The following GALNT10 variants were observed in gnomAD, a reference collection of about 807,000 sequenced individuals.
The protein encoded by GALNT10 is polypeptide N-acetylgalactosaminyltransferase 10, also known as GalNAc transferase 10.
GALNT10 carries 41 observed loss-of-function variants against 75.0 expected under a neutral mutation model. The ratio of observed to expected loss-of-function variants is 0.55; its 90% confidence interval spans 0.43 to 0.71. The LOEUF (loss-of-function observed/expected upper bound fraction) is 0.71. GALNT10 is among the 30% of genes least tolerant of loss of function. The probability of loss-of-function intolerance (pLI) is 0.00; values close to 1 mark genes in which losing one functional copy is unlikely to be tolerated. For synonymous variants in GALNT10, 302 were observed against 313.0 expected, an observed-to-expected ratio of 0.96 and a Z score of 0.37; for missense variants, 727 against 818.5, an observed-to-expected ratio of 0.89 and a Z score of 1.36.
chr5:154,284,953 G>A (rs553921563), intron 1 of GALNT10, among the ~76,000 whole-genome samples: 3 of 152,298 alleles, frequency 2.0e-5, no homozygotes, highest in African/African-American at 7.2e-5. Context: ...TCATGAAAGA[G>A]TTAGGCTATA....
At chr5:154,350,291 T>C (rs1187990750) in intron 4 of GALNT10, among the ~76,000 whole-genome samples, 3 of 152,192 alleles carry the variant, frequency 2.0e-5, no homozygotes, top group Non-Finnish European at 4.4e-5. Context: ...TTCTTCAGCA[T>C]GGCTGGGGCA....
chr5:154,373,220 G>T (rs1755602045), intron 4 of GALNT10, among the ~76,000 whole-genome samples: 1 of 152,140 alleles, frequency 6.6e-6, no homozygotes, highest in African/African-American at 2.4e-5. Flanking sequence ...CTGCCTTAGG[G>T]CTTATGAAGC....
chr5:154,396,552 C>G lies in GALNT10; in HGVS notation c.1057-7552C>G, dbSNP rs142356075. 3.3e-3 allele frequency among the ~76,000 whole-genome samples: 504 copies of G among 152,272 alleles called. 2 individuals carry two copies. Among genetic ancestry groups the G allele is most frequent in the African/African-American group, 0.011 (471 of 41,540 alleles). On this transcript the variant is annotated intron_variant, in intron 7 of 11. Transcript: ENST00000297107. ...CAGATCTGCCTAGTTCTGACCCAAC[C>G]CCAGGTTCCATTTTGGGTTCTGCCA...
chr5:154,304,343 C>T (rs963446829), intron 3 of GALNT10, among the ~76,000 whole-genome samples: 1 of 151,738 alleles, frequency 6.6e-6, no homozygotes, highest in African/African-American at 2.4e-5. Flanking sequence ...TACTAAAAAA[C>T]CAGTGATGAA....
chr5:154,253,668 G>C (rs1438023520), intron 1 of GALNT10, among the ~76,000 whole-genome samples: 2 of 150,476 alleles, frequency 1.3e-5, no homozygotes, highest in East Asian at 3.9e-4. Flanking sequence ...GAAGAAGGTG[G>C]GATTCAGGAA....
chr5:154,219,765 T>A (rs1752942767), intron 1 of GALNT10: 1 of 151,518 alleles, frequency 6.6e-6, no homozygotes, highest in Non-Finnish European at 1.5e-5. Context: ...AGATAACTGA[T>A]CCAGAGACAG....
At position 154,298,771 on chromosome 5, in the gene GALNT10, G is replaced by T. The variant is rs140187095; in HGVS notation, c.401+692G>T. Among the ~76,000 whole-genome samples the T allele has an allele frequency of 1.5e-4, 23 of 152,282 alleles. No homozygotes were observed. In the East Asian group the frequency reaches 4.4e-3, roughly 29 times the overall value. On this transcript the variant is annotated intron_variant, in intron 3 of 11. Transcript: ENST00000297107. This position sits in a 1 kb window ranked among gnomAD's most constrained non-coding sequence, Gnocchi z 4.1. ...GCCTCCCTGTACATTTTCAGTAAGG[G>T]TCATTGTGGTGATGATGGTGATTTT...
At chr5:154,294,691 T>A in intron 1 of GALNT10, 125 bp from the exon 2 acceptor site, 1 of 544,286 alleles carries the variant, frequency 1.8e-6, no homozygotes, top group Non-Finnish European at 3.4e-6. Flanking sequence ...GCTGAGGGAG[T>A]GGATAAAGGA....
intron 1 of GALNT10, among the ~76,000 whole-genome samples, chr5:154,225,062 G>A (rs192508513): frequency 3.3e-5 from 5 of 151,230 alleles, no homozygotes; most frequent in African/African-American, 4.9e-5. Context: ...CATTACAGGC[G>A]TGAGCCACCA....
intron 4 of GALNT10, among the ~76,000 whole-genome samples, chr5:154,330,653 G>T (rs950644670): frequency 2.6e-5 from 4 of 152,170 alleles, no homozygotes; most frequent in Admixed American, 1.3e-4. Flanking sequence ...AGAGGAAATT[G>T]CCCTTCAGCC....
At chr5:154,353,686 T>C (rs1169127523) in intron 4 of GALNT10, among the ~76,000 whole-genome samples, 1 of 152,256 alleles carries the variant, frequency 6.6e-6, no homozygotes, top group Non-Finnish European at 1.5e-5. Flanking sequence ...ATGAAGTCTA[T>C]GCTGTGAGAG....
At chr5:154,207,134 A>T (rs143050369) in intron 1 of GALNT10, among the ~76,000 whole-genome samples, 1 of 152,338 alleles carries the variant, frequency 6.6e-6, no homozygotes, top group East Asian at 1.9e-4. Flanking sequence ...CCAATAACAT[A>T]CTCACTCTAA....
At chr5:154,295,472 G>A (rs1442014309) in intron 2 of GALNT10, among the ~76,000 whole-genome samples, 1 of 152,150 alleles carries the variant, frequency 6.6e-6, no homozygotes, top group Admixed American at 6.5e-5. Flanking sequence ...TTGAACCCAG[G>A]TCTGGAGGGA....
At chr5:154,330,929 GTGTGTGTGTT>G (rs201003130) in intron 4 of GALNT10, among the ~76,000 whole-genome samples, 9,176 of 55,242 alleles carry the variant, frequency 0.17, 310 homozygotes, top group East Asian at 0.36. Context: ...GTGTGTGTGT[GTGTGTGTGTT>G]TGTGTGTGTG....
intron 3 of GALNT10, among the ~76,000 whole-genome samples, chr5:154,313,565 AG>A (rs1754555942): frequency 6.6e-6 from 1 of 152,222 alleles, no homozygotes; most frequent in Admixed American, 6.5e-5. Flanking sequence ...TCTGTTGAAC[AG>A]GGACTAGCAG....
intron 1 of GALNT10, among the ~76,000 whole-genome samples, chr5:154,193,819 A>G (rs970834627): frequency 2.3e-4 from 35 of 152,386 alleles, no homozygotes; most frequent in African/African-American, 7.2e-4. Context: ...ATGAAAGTCT[A>G]CATAACTCAT....
At chr5:154,205,650 T>C (rs1302863788) in intron 1 of GALNT10, among the ~76,000 whole-genome samples, 1 of 152,196 alleles carries the variant, frequency 6.6e-6, no homozygotes, top group African/African-American at 2.4e-5. Flanking sequence ...CCAATCAAGA[T>C]GATGTCATGC....
intron 1 of GALNT10, among the ~76,000 whole-genome samples, chr5:154,266,738 G>C (rs563366295): frequency 6.6e-6 from 1 of 151,930 alleles, no homozygotes; most frequent in Non-Finnish European, 1.5e-5. Flanking sequence ...AAATATTAGC[G>C]GGGTGTGGTG....
At chr5:154,401,803 C>G (rs1416026657) in intron 7 of GALNT10, among the ~76,000 whole-genome samples, 1 of 152,098 alleles carries the variant, frequency 6.6e-6, no homozygotes, top group African/African-American at 2.4e-5. Flanking sequence ...TTCTAGAGCC[C>G]CTGAATTAAT....
Sources: gnomAD v4.1 joint callset for allele counts (sites outside exome capture counted in the v4.1 genomes callset) on GRCh38, gnomAD v4.1.1 for gene constraint, Gnocchi (gnomAD v3.1) non-coding constraint, MANE v1.5 for transcripts, NCBI Gene and HGNC (gene_info 2026-07-23, HGNC 2026-07-21) for gene names.